Variants in KIF4A observed in about 807,000 individuals in gnomAD.
The protein encoded by KIF4A is chromosome-associated kinesin KIF4A.
A neutral mutation model predicts 105.9 loss-of-function variants in KIF4A; 7 were observed. The observed-to-expected ratio is 0.07, with a 90% CI of 0.04 to 0.12. The LOEUF (loss-of-function observed/expected upper bound fraction) is 0.12. KIF4A is among the 10% of genes least tolerant of loss of function. The probability of loss-of-function intolerance (pLI) is 1.00; values close to 1 mark genes in which losing one functional copy is unlikely to be tolerated. For missense variants in KIF4A, 558 were observed against 929.2 expected (o/e 0.60, Z 5.19); for synonymous variants, 281 against 331.3 (o/e 0.85, Z 1.65).
chrX:70,360,169 C>T (rs1056912186), intron 15 of KIF4A, among the ~76,000 whole-genome samples: 11 of 112,156 alleles, frequency 9.8e-5, no homozygotes, highest in African/African-American at 3.6e-4. Context: ...TTCACACACA[C>T]ACTCCTAGCT....
At chrX:70,410,957 T>C (rs1329345346) in intron 28 of KIF4A, among the ~76,000 whole-genome samples, 1 of 112,508 alleles carries the variant, frequency 8.9e-6, no homozygotes, top group Non-Finnish European at 1.9e-5. Flanking sequence ...AACAATGCTT[T>C]TATATGGTGT....
intron 15 of KIF4A, among the ~76,000 whole-genome samples, chrX:70,371,680 G>A (rs1370020991): frequency 8.3e-5 from 9 of 107,793 alleles, no homozygotes; most frequent in Non-Finnish European, 1.4e-4. Context: ...CCTCCCGGAC[G>A]GGACGGCTGG....
chrX:70,332,498 C>G (rs1602752360), intron 9 of KIF4A, among the ~76,000 whole-genome samples: 1 of 110,908 alleles, frequency 9.0e-6, no homozygotes, highest in Middle Eastern at 4.2e-3. Flanking sequence ...GAGGAGCAAC[C>G]GAGTGGCGAG....
At chrX:70,373,509 TAC>T (rs1230955459) in intron 15 of KIF4A, among the ~76,000 whole-genome samples, 1 of 25,413 alleles carries the variant, frequency 3.9e-5, no homozygotes. Flanking sequence ...CATATATATA[TAC>T]ATGTGTGTGT....
intron 15 of KIF4A, 94 bp from the exon 16 acceptor site, chrX:70,374,057 T>C: frequency 2.3e-6 from 1 of 440,980 alleles, no homozygotes; most frequent in Non-Finnish European, 3.8e-6. Flanking sequence ...TGGTAAAAAT[T>C]AATGCATAGT....
intron 28 of KIF4A, among the ~76,000 whole-genome samples, chrX:70,416,766 G>A (rs947321245): frequency 8.9e-6 from 1 of 112,449 alleles, no homozygotes; most frequent in Non-Finnish European, 1.9e-5. Context: ...TTTGAATTGT[G>A]ATTCTTTTAT....
chrX:70,410,382 G>A (rs758186621), intron 28 of KIF4A, among the ~76,000 whole-genome samples: 1 of 111,819 alleles, frequency 8.9e-6, no homozygotes, highest in Non-Finnish European at 1.9e-5. Context: ...GAGATGCTGG[G>A]GGGTAAGTCA....
intron 20 of KIF4A, among the ~76,000 whole-genome samples, chrX:70,394,919 C>A (rs2086253553): frequency 8.9e-6 from 1 of 112,043 alleles, no homozygotes; most frequent in Non-Finnish European, 1.9e-5. Context: ...TCATTAAAAG[C>A]AGAAATATTC....
Position 70,401,329 on chromosome X carries a change from C to T in KIF4A, c.2490-1237C>T, listed in dbSNP as rs776931478. ...TCCTGACCTCATAATTTGCCTGCCT[C>T]GGCCTCCCAAAGTGCTGGGATTGCA... On this transcript the variant is annotated intron_variant, in intron 22 of 30. Coordinates refer to ENST00000374403, the MANE Select transcript of KIF4A (RefSeq NM_012310.5). Among the ~76,000 whole-genome samples the T allele has an allele frequency of 6.2e-3, 685 of 110,137 alleles. 6 individuals carry two copies. Among genetic ancestry groups the T allele is most frequent in the African/African-American group, 0.021 (643 of 30,273 alleles).
chrX:70,376,619 TAAGTACA>T lies in KIF4A; in HGVS notation c.2034+411_2034+417del, dbSNP rs2086176122. ...ATAATAGGAAGGGTTATGATAGAGA[TAAGTACA>T]AGCATTCCAGATAGATAGATCAAAG... On this transcript the variant is annotated intron_variant, in intron 18 of 30. Transcript: ENST00000374403. Among the ~76,000 whole-genome samples, 32 of 111,709 alleles carry T rather than the reference TAAGTACA, an allele frequency of 2.9e-4. 1 individual carries two copies. In the Admixed American group the frequency reaches 3.1e-3, roughly 11 times the overall value.
Position 70,406,787 on chromosome X carries a change from CTT to C in KIF4A, c.3073-104_3073-103del, listed in dbSNP as rs770482822. On this transcript the variant is annotated intron_variant, in intron 27 of 30. Coordinates refer to ENST00000374403, the MANE Select transcript of KIF4A (RefSeq NM_012310.5). The stretch of plus-strand genomic sequence containing the variant: ...GGGTGGATTTGAGAGAGTCTGAAAT[CTT>C]TGCTCTGAGAATATAGCTGGCAACA... 6 of 855,103 alleles carry C rather than the reference CTT, an allele frequency of 7.0e-6. No individual in the cohort carries two copies. The African/African-American group carries it at 1.2e-4, about 18-fold the overall frequency. 70.5% of individuals were successfully genotyped at this position (855,103 alleles called of 1,213,427 possible). A position where few individuals can be genotyped will look rare whatever the true frequency, so the allele number is the denominator to read the frequency against.
chrX:70,372,370 C>T (rs1471799058), intron 15 of KIF4A, among the ~76,000 whole-genome samples: 6 of 113,143 alleles, frequency 5.3e-5, no homozygotes, highest in Non-Finnish European at 7.5e-5. Flanking sequence ...ACTGAGTGAA[C>T]CAGACTCCGT....
chrX:70,402,740 T>C (rs754439111), intron 23 of KIF4A, 45 bp downstream of exon 23: 4 of 1,178,666 alleles, frequency 3.4e-6, no homozygotes, highest in Middle Eastern at 2.3e-4. Context: ...GCTGTGTAGG[T>C]TGAAATGGGA....
intron 12 of KIF4A, 38 bp from the exon 13 acceptor site, chrX:70,343,839 A>G (rs2085981425): frequency 4.2e-6 from 5 of 1,188,354 alleles, no homozygotes; most frequent in Non-Finnish European, 4.6e-6. Flanking sequence ...CCTTTGTCAT[A>G]TGAATAACCC....
At chrX:70,410,109 AT>A (rs2086316154) in intron 28 of KIF4A, among the ~76,000 whole-genome samples, 1 of 112,333 alleles carries the variant, frequency 8.9e-6, no homozygotes, top group South Asian at 3.7e-4. Flanking sequence ...TTAGCATAAA[AT>A]CTGGTTTCTC....
intron 22 of KIF4A, 76 bp downstream of exon 22, chrX:70,396,125 T>G: frequency 1.4e-6 from 1 of 725,486 alleles, no homozygotes; most frequent in African/African-American, 2.1e-5. Context: ...ATCTAGTGAT[T>G]CAAAAGCCTT....
At chrX:70,361,594 C>A in intron 15 of KIF4A, 1 of 168,315 alleles carries the variant, frequency 5.9e-6, no homozygotes. Context: ...AATTCACCAC[C>A]ATGACAAACT....
intron 7 of KIF4A, among the ~76,000 whole-genome samples, chrX:70,310,310 G>GTTGT (rs1225879435): frequency 1.5e-5 from 1 of 67,963 alleles, no homozygotes; most frequent in Non-Finnish European, 2.6e-5. Context: ...TCTCAAAATG[G>GTTGT]TTGTGTGTGT....
At chrX:70,362,141 G>C (rs907918844) in intron 15 of KIF4A, 1 of 220,278 alleles carries the variant, frequency 4.5e-6, no homozygotes, top group Non-Finnish European at 8.4e-6. Flanking sequence ...GGGACTGGTC[G>C]AGAGTCTCTA....
Sources: gnomAD v4.1 joint callset for allele counts (sites outside exome capture counted in the v4.1 genomes callset) on GRCh38, gnomAD v4.1.1 for gene constraint, MANE v1.5 for transcripts, NCBI Gene and HGNC (gene_info 2026-07-23, HGNC 2026-07-21) for gene names.